Variants in SEC14L5 observed in about 807,000 individuals in gnomAD.
SEC14L5 encodes SEC14 like lipid binding 5.
Under a neutral mutation model 84.6 loss-of-function variants are expected in SEC14L5, and 96 were observed. The observed-to-expected ratio is 1.13, with a 90% confidence interval of 0.96 to 1.34. The LOEUF is 1.34. SEC14L5 is among the 40% of genes most tolerant of loss of function. SEC14L5 has a pLI of 0.00. For synonymous variants in SEC14L5, 546 were observed against 383.4 expected, an observed-to-expected ratio of 1.42 and a Z score of -4.95; for missense variants, 1,224 against 942.5, an observed-to-expected ratio of 1.30 and a Z score of -3.91.
chr16:4,986,142 CT>C lies in SEC14L5; in HGVS notation c.64-1401del, dbSNP rs760379850. Reference sequence around the variant, plus strand: ...CGTGCTGTTATGTCTTCTTCTTCTTCTTTTTTTTTTTTTTGAGACAGAGTTT... The same window carrying C: ...CGTGCTGTTATGTCTTCTTCTTCTTCTTTTTTTTTTTTTGAGACAGAGTTT... On this transcript the variant is annotated intron_variant, in intron 2 of 15. Transcript: ENST00000251170. Among the ~76,000 whole-genome samples, 1,147 of 143,144 alleles carry C rather than the reference CT, an allele frequency of 8.0e-3. 15 individuals carry two copies. Among genetic ancestry groups the C allele is most frequent in the African/African-American group, 0.022 (851 of 39,308 alleles). 93.9% of individuals were successfully genotyped at this position (143,144 alleles called of 152,430 possible). A position where few individuals can be genotyped will look rare whatever the true frequency, so the allele number is the denominator to read the frequency against.
At chr16:4,992,154 C>G (rs1955559944) in intron 6 of SEC14L5, 124 bp downstream of exon 6, 2 of 609,794 alleles carry the variant, frequency 3.3e-6, no homozygotes, top group Admixed American at 3.3e-5. Flanking sequence ...GGGTCTGGGT[C>G]TTGGAACGAC....
intron 2 of SEC14L5, among the ~76,000 whole-genome samples, chr16:4,968,380 T>C (rs779270874): frequency 1.1e-4 from 17 of 152,058 alleles, no homozygotes; most frequent in Non-Finnish European, 2.4e-4. Flanking sequence ...GGTTTCTCCA[T>C]ATTGGTCAGG....
Position 5,008,411 on chromosome 16 carries a change from C to G in SEC14L5, c.1573-10C>G. The G allele has an allele frequency of 6.2e-7, 1 of 1,602,582 alleles. No individual in the cohort carries two copies. Among genetic ancestry groups the G allele is most frequent in the East Asian group, 2.2e-5 (1 of 44,710 alleles). On this transcript the variant is annotated splice_polypyrimidine_tract_variant and intron_variant, in intron 13 of 15. Transcript: ENST00000251170. Reference sequence around the variant, plus strand: ...GCCGTGACTCTCAGACCTCGCCTGTCTCCACACAGGTGGCCGTGGAGATCC... The same window carrying G: ...GCCGTGACTCTCAGACCTCGCCTGTGTCCACACAGGTGGCCGTGGAGATCC...
chr16:5,013,958 G>A (rs1179099889), intron 15 of SEC14L5, among the ~76,000 whole-genome samples: 2 of 152,198 alleles, frequency 1.3e-5, no homozygotes, highest in African/African-American at 2.4e-5. Context: ...CTTTCAAAGT[G>A]TTGGGATGAC....
At position 5,017,153 on chromosome 16, in the gene SEC14L5, G is replaced by A. The variant is rs1368726114; in HGVS notation, c.*2183G>A. On this transcript the variant is annotated 3_prime_UTR_variant, in exon 16 of 16. Coordinates refer to ENST00000251170, the MANE Select transcript of SEC14L5 (RefSeq NM_014692.2). ...AGGACACAGAAGCCTTTTACGGAAG[G>A]AAGCTGGAACTGCCTGTTCCAGAGG... 6.6e-6 allele frequency: 1 copy of A among 150,760 alleles called. No individual in the cohort carries two copies. The highest frequency in any genetic ancestry group is 1.5e-5 in the Non-Finnish European group (1 of 67,738). 9.3% of individuals were successfully genotyped at this position (150,760 alleles called of 1,614,324 possible). A position where few individuals can be genotyped will look rare whatever the true frequency, so the allele number is the denominator to read the frequency against.
Position 4,967,569 on chromosome 16 carries a change from T to A in SEC14L5, c.63+8183T>A, listed in dbSNP as rs1200379649. Among the ~76,000 whole-genome samples, 181 of 115,020 alleles carry A rather than the reference T, an allele frequency of 1.6e-3. 5 individuals are homozygous for A. Among genetic ancestry groups the A allele is most frequent in the African/African-American group, 4.7e-3 (110 of 23,166 alleles). 75.5% of individuals were successfully genotyped at this position (115,020 alleles called of 152,430 possible). A position where few individuals can be genotyped will look rare whatever the true frequency, so the allele number is the denominator to read the frequency against. On this transcript the variant is annotated intron_variant, in intron 2 of 15. Transcript: ENST00000251170. ...CTGACTTTTCTTTCTTTCGTTTTTT[T>A]TTTTTTTTTTTTTTTTTTTTTTTGA...
In SEC14L5 at chr16:5,011,144, T is replaced by C; in HGVS notation, c.1850T>C (p.Met617Thr). Reference sequence around the variant, plus strand: ...GGCGTCTACCTGCTCCAGTGGCAAATGCACAGCCCCCCCAGCAGCGTGGCC... The same window carrying C: ...GGCGTCTACCTGCTCCAGTGGCAAACGCACAGCCCCCCCAGCAGCGTGGCC... ...WPGVYLLQWQMHSPPSSVACS... is the reference protein window; with the variant it reads ...WPGVYLLQWQTHSPPSSVACS... The change falls in exon 15 of 16, where the codon ATG becomes ACG. Residue 617 changes from methionine to threonine, a missense_variant. By Grantham distance (81) the Met-to-Thr change is moderately conservative. Coordinates refer to ENST00000251170, the MANE Select transcript of SEC14L5 (RefSeq NM_014692.2). 1 of 1,612,122 alleles carries C rather than the reference T, an allele frequency of 6.2e-7. No homozygotes were observed. Among genetic ancestry groups the C allele is most frequent in the Non-Finnish European group, 8.5e-7 (1 of 1,179,196 alleles).
chr16:4,996,828 T>C (rs1955616147), intron 7 of SEC14L5, 27 bp from the exon 8 acceptor site: 1 of 1,588,036 alleles, frequency 6.3e-7, no homozygotes, highest in Non-Finnish European at 8.6e-7. Context: ...TACCGTTCTG[T>C]GGGCTTTTTA....
intron 5 of SEC14L5, among the ~76,000 whole-genome samples, chr16:4,991,162 C>CT (rs35980290): frequency 0.037 from 3,125 of 85,430 alleles, 117 homozygotes; most frequent in African/African-American, 0.067. Context: ...TTCTGTGGTG[C>CT]TTTTTTTTTT....
At chr16:4,981,610 T>G (rs1955424775) in intron 2 of SEC14L5, among the ~76,000 whole-genome samples, 1 of 151,976 alleles carries the variant, frequency 6.6e-6, no homozygotes, top group Non-Finnish European at 1.5e-5. Flanking sequence ...CTGGCTCTGT[T>G]TCTGAGCTGC....
intron 2 of SEC14L5, among the ~76,000 whole-genome samples, chr16:4,971,145 T>A (rs9940165): frequency 0.43 from 63,743 of 148,810 alleles, 14,049 homozygotes; most frequent in Non-Finnish European, 0.49. Flanking sequence ...CAGCCATGGG[T>A]TAGGGAACTT....
In SEC14L5 at chr16:5,007,443, A is replaced by C; in HGVS notation, c.1529A>C (p.Glu510Ala). The part of the protein sequence containing the change: ...EHTDQLWQWS[E>A]TYHSASVLRG... ...ACGGACCAGCTGTGGCAGTGGAGTG[A>C]GACCTACCATTCAGCCAGCGTGCTC... Residue 510 changes from glutamate (E) to alanine (A), a missense_variant, in exon 13 of 16, where the codon GAG (glutamate) becomes GCG (alanine). Transcript: ENST00000251170. 3 of 1,613,926 alleles carry C rather than the reference A, an allele frequency of 1.9e-6. No individual in the cohort carries two copies. Among genetic ancestry groups the C allele is most frequent in the Non-Finnish European group, 2.5e-6 (3 of 1,179,860 alleles).
chr16:5,015,260 T>C lies in SEC14L5; in HGVS notation c.*290T>C. 2.7e-6 allele frequency: 1 copy of C among 367,828 alleles called. No individual in the cohort carries two copies. The highest frequency in any genetic ancestry group is 5.6e-5 in the South Asian group (1 of 17,776). The allele number at this position is 367,828 out of a possible 1,614,324, so 22.8% of individuals were successfully genotyped here. A position where few individuals can be genotyped will look rare whatever the true frequency, so the allele number is the denominator to read the frequency against. On this transcript the variant is annotated 3_prime_UTR_variant, in exon 16 of 16. Transcript: ENST00000251170. ...ACCACACCTTTGGGACATCCGGGCT[T>C]AGCGACGTCAGCCAGGCCCATCTCC... is the stretch of plus-strand genomic sequence containing the variant.
At chr16:5,011,982 G>A (rs757807299) in intron 15 of SEC14L5, among the ~76,000 whole-genome samples, 2 of 152,194 alleles carry the variant, frequency 1.3e-5, no homozygotes, top group Non-Finnish European at 2.9e-5. Context: ...GATCTGCACT[G>A]GTTTTCATCT....
rs55786860 is a variant in SEC14L5 at position 4,975,472 on chromosome 16, CA to C, written c.64-12065del. On this transcript the variant is annotated intron_variant, in intron 2 of 15. Transcript: ENST00000251170. Reference sequence around the variant, plus strand: ...CGGGTGACAGAGCGAAACTCCATCTCAAAAAAAAAAAAAAAAAAAAGACATT... The same window carrying C: ...CGGGTGACAGAGCGAAACTCCATCTCAAAAAAAAAAAAAAAAAAAGACATT... Among the ~76,000 whole-genome samples the C allele has an allele frequency of 1.4e-3, 108 of 77,342 alleles. 2 individuals carry two copies. The highest frequency in any genetic ancestry group is 8.0e-3 in the Admixed American group (44 of 5,472). 50.7% of individuals were successfully genotyped at this position (77,342 alleles called of 152,430 possible).
intron 12 of SEC14L5, among the ~76,000 whole-genome samples, chr16:5,006,701 G>C (rs1174502882): frequency 6.6e-6 from 1 of 152,192 alleles, no homozygotes; most frequent in Admixed American, 6.5e-5. Context: ...ATTTTTCCAG[G>C]CTTGCCTGTT....
At chr16:5,007,223 G>T in intron 12 of SEC14L5, 129 bp from the exon 13 acceptor site, 1 of 698,874 alleles carries the variant, frequency 1.4e-6, no homozygotes, top group Non-Finnish European at 2.4e-6. Context: ...GGTCATGGAA[G>T]CCCACAGCCC....
chr16:4,996,960 C>G lies in SEC14L5; in HGVS notation c.886C>G (p.Gln296Glu). 1 of 1,613,648 alleles carries G rather than the reference C, an allele frequency of 6.2e-7. No homozygotes were observed. The highest frequency in any genetic ancestry group is 8.5e-7 in the Non-Finnish European group (1 of 1,179,718). ...GTCCTTGAGCTGGCGCAAGCAGCACCAGGTGGATCTCCTCCTTCAGACCTG... is the reference window on the plus strand; with the variant it reads ...GTCCTTGAGCTGGCGCAAGCAGCACGAGGTGGATCTCCTCCTTCAGACCTG... ...RQSLSWRKQH[Q>E]VDLLLQTWQP... is the part of the protein sequence containing the mutation. The change falls in exon 8 of 16, where the codon CAG becomes GAG. Residue 296 changes from glutamine to glutamate, a missense_variant. Transcript: ENST00000251170.
At chr16:5,011,789 A>G (rs1955808045) in intron 15 of SEC14L5, among the ~76,000 whole-genome samples, 1 of 152,074 alleles carries the variant, frequency 6.6e-6, no homozygotes, top group African/African-American at 2.4e-5. Flanking sequence ...GAACCACTGG[A>G]GCCCCAGTCT....
Sources: allele counts gnomAD v4.1 joint callset (sites outside exome capture counted in the v4.1 genomes callset), GRCh38; gene constraint gnomAD v4.1.1; transcripts MANE v1.5; gene names NCBI Gene and HGNC (gene_info 2026-07-23, HGNC 2026-07-21).